Variants in MIPEP observed in about 807,000 individuals in gnomAD.
MIPEP encodes the protein mitochondrial intermediate peptidase.
MIPEP carries 79 observed loss-of-function variants against 90.3 expected under a neutral mutation model. That is an observed-to-expected ratio of 0.87 (90% confidence interval 0.73 to 1.05). The LOEUF is 1.05. Among genes scored for constraint, MIPEP ranks in the 50% least tolerant of loss-of-function variants. MIPEP has a pLI of 0.00. For synonymous variants in MIPEP, 334 were observed against 315.8 expected (o/e 1.06, Z -0.61); for missense variants, 940 against 905.6 (o/e 1.04, Z -0.49).
At chr13:23,745,498 A>G (rs1952372834) in intron 18 of MIPEP, among the ~76,000 whole-genome samples, 2 of 152,288 alleles carry the variant, frequency 1.3e-5, no homozygotes, top group Non-Finnish European at 2.9e-5. Flanking sequence ...TCTGCTCTAA[A>G]TCTCTATAAT....
chr13:23,867,967 T>C (rs1050922339), intron 7 of MIPEP, among the ~76,000 whole-genome samples: 1 of 151,538 alleles, frequency 6.6e-6, no homozygotes, highest in Admixed American at 6.6e-5. Context: ...TATGGTACTA[T>C]TATAATCAAA....
Position 23,864,223 on chromosome 13 carries a change from T to C in MIPEP, c.944-34A>G, listed in dbSNP as rs199611797. 42 of 1,398,494 alleles carry C rather than the reference T, an allele frequency of 3.0e-5. No homozygotes were observed. The Middle Eastern group carries it at 7.1e-4, about 24-fold the overall frequency. 86.6% of individuals were successfully genotyped at this position (1,398,494 alleles called of 1,614,324 possible). A position where few individuals can be genotyped will look rare whatever the true frequency, so the allele number is the denominator to read the frequency against. On this transcript the variant is annotated intron_variant, in intron 7 of 18. Transcript: ENST00000382172. ...AAATCCAAAAGAAAATATCTTCAAT[T>C]ATGTGAAATAAAATGAACATATCTG...
intron 7 of MIPEP, 121 bp downstream of exon 7, chr13:23,869,171 C>A (rs1870667607): frequency 1.2e-6 from 1 of 863,928 alleles, no homozygotes; most frequent in Admixed American, 2.9e-5. Flanking sequence ...CATAGAAAAT[C>A]TCAATAAATG....
chr13:23,862,837 T>C (rs995837251), intron 8 of MIPEP, among the ~76,000 whole-genome samples: 2 of 152,226 alleles, frequency 1.3e-5, no homozygotes, highest in Non-Finnish European at 2.9e-5. Flanking sequence ...GACATGTATA[T>C]TGGAATTAAT....
intron 16 of MIPEP, among the ~76,000 whole-genome samples, chr13:23,771,485 T>C (rs1952649624): frequency 6.6e-6 from 1 of 151,776 alleles, no homozygotes; most frequent in African/African-American, 2.4e-5. Context: ...TCAGTAAAAT[T>C]ATAAAGTTAT....
rs1279421722 is a variant in MIPEP at position 23,837,693 on chromosome 13, C to A, written c.1402G>T (p.Val468Leu). ...KEDGDYQLPV[V>L]VLMLNLPRSS... ...CGGGGAAGATTCAGCATAAGAACTA[C>A]AACTGGGAGTTGATAGTCTCCATCT... Residue 468 changes from valine (V) to leucine (L), a missense_variant, in exon 13 of 19, where the codon GTA (valine) becomes TTA (leucine). Val to Leu is a conservative substitution (Grantham distance 32). Coordinates refer to ENST00000382172, the MANE Select transcript of MIPEP (RefSeq NM_005932.4). 1 of 1,614,108 alleles carries A rather than the reference C, an allele frequency of 6.2e-7. No individual in the cohort carries two copies. The highest frequency in any genetic ancestry group is 8.5e-7 in the Non-Finnish European group (1 of 1,179,936).
chr13:23,789,448 A>T (rs1952879282), intron 16 of MIPEP, among the ~76,000 whole-genome samples: 1 of 152,182 alleles, frequency 6.6e-6, no homozygotes, highest in South Asian at 2.1e-4. Flanking sequence ...TAACAGAAAG[A>T]GCTCCAGTCC....
intron 7 of MIPEP, among the ~76,000 whole-genome samples, chr13:23,864,974 T>C (rs1725174310): frequency 6.6e-6 from 1 of 152,126 alleles, no homozygotes; most frequent in Non-Finnish European, 1.5e-5. Flanking sequence ...TTTATTGTTA[T>C]ATACAACTGT....
At chr13:23,877,301 G>T (rs563129693) in intron 4 of MIPEP, among the ~76,000 whole-genome samples, 18 of 152,108 alleles carry the variant, frequency 1.2e-4, no homozygotes, top group African/African-American at 4.3e-4. Context: ...CATTTCGGTC[G>T]CTTGCATGCT....
At chr13:23,863,466 T>G (rs772665990) in intron 8 of MIPEP, among the ~76,000 whole-genome samples, 3 of 152,194 alleles carry the variant, frequency 2.0e-5, no homozygotes, top group Non-Finnish European at 4.4e-5. Context: ...AGGCACAAAA[T>G]TATTAAAAAC....
At chr13:23,849,566 G>A (rs1869714001) in intron 10 of MIPEP, among the ~76,000 whole-genome samples, 1 of 152,132 alleles carries the variant, frequency 6.6e-6, no homozygotes, top group Non-Finnish European at 1.5e-5. Flanking sequence ...TTTATAATAC[G>A]TTACATATGA....
intron 15 of MIPEP, 81 bp from the exon 16 acceptor site, chr13:23,806,150 C>T: frequency 7.0e-7 from 1 of 1,421,880 alleles, no homozygotes; most frequent in Non-Finnish European, 9.8e-7. Flanking sequence ...GCTATAAGTG[C>T]ACCAGAACAA....
Position 23,730,324 on chromosome 13 carries a change from T to C in MIPEP, c.*24A>G. The C allele has an allele frequency of 6.8e-7, 1 of 1,474,064 alleles. No individual in the cohort carries two copies. The highest frequency in any genetic ancestry group is 1.7e-5 in the Admixed American group (1 of 59,368). 91.3% of individuals were successfully genotyped at this position (1,474,064 alleles called of 1,614,324 possible). On this transcript the variant is annotated 3_prime_UTR_variant, in exon 19 of 19. Coordinates refer to ENST00000382172, the MANE Select transcript of MIPEP (RefSeq NM_005932.4). ...AAAGTCATTATCTACATGACCTTGA[T>C]TTAAGAGGTGTAGAGTGTTTCTTTT...
chr13:23,856,485 ACT>A, intron 10 of MIPEP, among the ~76,000 whole-genome samples: 1 of 152,236 alleles, frequency 6.6e-6, no homozygotes, highest in Middle Eastern at 3.4e-3. Context: ...ATTTATACCC[ACT>A]GTTATTTAAA....
chr13:23,826,195 C>A (rs1459711642), intron 14 of MIPEP, among the ~76,000 whole-genome samples: 1 of 151,910 alleles, frequency 6.6e-6, no homozygotes, highest in Non-Finnish European at 1.5e-5. Flanking sequence ...ATATAGAGAG[C>A]AAAAATGGAT....
rs112058438 is a variant in MIPEP at position 23,809,480 on chromosome 13, G to A, written c.1728+370C>T. ...CTGCCTCAGCCTCCTGAGTAGCTGG[G>A]ATTATAAGCATGCACCACCATGCCT... On this transcript the variant is annotated intron_variant, in intron 15 of 18. Transcript: ENST00000382172. Among the ~76,000 whole-genome samples, 242 of 152,194 alleles carry A rather than the reference G, an allele frequency of 1.6e-3. 1 individual carries two copies. The highest frequency in any genetic ancestry group is 6.8e-3 in the Middle Eastern group (2 of 294).
intron 7 of MIPEP, 58 bp from the exon 8 acceptor site, chr13:23,864,247 T>C (rs1870431704): frequency 4.3e-6 from 5 of 1,171,148 alleles, no homozygotes; most frequent in Non-Finnish European, 6.1e-6. Context: ...TGAACATATC[T>C]GTTAAAATTA....
At chr13:23,834,668 T>A (rs1282603162) in intron 14 of MIPEP, among the ~76,000 whole-genome samples, 1 of 152,146 alleles carries the variant, frequency 6.6e-6, no homozygotes, top group African/African-American at 2.4e-5. Flanking sequence ...GAATGCCGCT[T>A]CTCTTTTTCC....
intron 4 of MIPEP, among the ~76,000 whole-genome samples, 168 bp from the exon 5 acceptor site, chr13:23,875,077 A>C (rs907022333): frequency 7.3e-6 from 1 of 137,460 alleles, no homozygotes; most frequent in Non-Finnish European, 1.6e-5. Context: ...GTTTTAAACA[A>C]GGAGCTTAAT....
Sources: gnomAD v4.1 joint callset for allele counts (sites outside exome capture counted in the v4.1 genomes callset) on GRCh38, gnomAD v4.1.1 for gene constraint, MANE v1.5 for transcripts, NCBI Gene and HGNC (gene_info 2026-07-23, HGNC 2026-07-21) for gene names.